The following IQCM variants were observed in gnomAD, a reference collection of about 807,000 sequenced individuals.
IQCM encodes the protein IQ domain-containing protein M.
In IQCM, 45 loss-of-function variants were observed where a neutral mutation model predicts 57.6. The ratio of observed to expected loss-of-function variants is 0.78; its 90% CI spans 0.62 to 1.00. The LOEUF (loss-of-function observed/expected upper bound fraction) is 1.00, where lower values mean the gene tolerates loss of function less well. Ranked by LOEUF, IQCM falls within the 50% of genes least tolerant of loss-of-function variation. The probability of loss-of-function intolerance (pLI) is 0.00; values close to 1 mark genes in which losing one functional copy is unlikely to be tolerated. For synonymous variants in IQCM, 148 were observed against 158.9 expected, an observed-to-expected ratio of 0.93 and a Z score of 0.51; for missense variants, 468 against 511.6, an observed-to-expected ratio of 0.91 and a Z score of 0.82.
intron 8 of IQCM, among the ~76,000 whole-genome samples, chr4:149,597,737 A>G (rs892973828): frequency 2.0e-5 from 3 of 152,192 alleles, no homozygotes; most frequent in African/African-American, 7.2e-5. Context: ...GAAATTATAG[A>G]AGACAGACAG....
chr4:149,712,334 T>C (rs903458525), intron 5 of IQCM, among the ~76,000 whole-genome samples: 1 of 150,906 alleles, frequency 6.6e-6, no homozygotes, highest in Non-Finnish European at 1.5e-5. Context: ...GATACTGTCA[T>C]ACTGTCAATG....
intron 12 of IQCM, among the ~76,000 whole-genome samples, chr4:149,493,749 C>A (rs1012109185): frequency 1.3e-5 from 2 of 151,740 alleles, no homozygotes; most frequent in African/African-American, 4.8e-5. Context: ...AACCATTCTG[C>A]AAACACACAG....
In IQCM at chr4:149,368,877, CGT is replaced by C. The variant is rs1274583376; in HGVS notation, c.1391-16813_1391-16812del. Among the ~76,000 whole-genome samples, 72 of 59,104 alleles carry C rather than the reference CGT, an allele frequency of 1.2e-3. 4 individuals carry two copies. The highest frequency in any genetic ancestry group is 2.5e-3 in the African/African-American group (33 of 13,450). 38.8% of individuals were successfully genotyped at this position (59,104 alleles called of 152,430 possible). A position where few individuals can be genotyped will look rare whatever the true frequency, so the allele number is the denominator to read the frequency against. The stretch of plus-strand genomic sequence containing the variant: ...ACATGTATATATATACATATATACA[CGT>C]GTATATATATGTATATATATACACG... On this transcript the variant is annotated intron_variant, in intron 13 of 13. Transcript: ENST00000636793.
At chr4:149,475,082 C>G (rs1038168724) in intron 12 of IQCM, among the ~76,000 whole-genome samples, 51 of 152,178 alleles carry the variant, frequency 3.4e-4, no homozygotes, top group Admixed American at 3.3e-3. Flanking sequence ...AAAGACCATT[C>G]TGGCTACTGT....
intron 12 of IQCM, among the ~76,000 whole-genome samples, chr4:149,478,656 C>T (rs919124764): frequency 6.6e-5 from 10 of 152,012 alleles, no homozygotes; most frequent in African/African-American, 1.2e-4. Flanking sequence ...GAAGACAAGA[C>T]GCAGGAAATA....
At chr4:149,611,766 T>G (rs1237732315) in intron 8 of IQCM, among the ~76,000 whole-genome samples, 1 of 152,018 alleles carries the variant, frequency 6.6e-6, no homozygotes, top group African/African-American at 2.4e-5. Context: ...AGATCTAGTG[T>G]TCAGTAGAAC....
intron 5 of IQCM, among the ~76,000 whole-genome samples, chr4:149,713,106 A>G (rs1369733422): frequency 6.6e-6 from 1 of 152,196 alleles, no homozygotes; most frequent in Non-Finnish European, 1.5e-5. Context: ...CATAGAGGCT[A>G]CTTGAAACAA....
intron 7 of IQCM, among the ~76,000 whole-genome samples, chr4:149,643,862 G>A (rs1304162828): frequency 6.6e-6 from 1 of 152,014 alleles, no homozygotes; most frequent in East Asian, 1.9e-4. Context: ...TTAATTCCTG[G>A]GTTTACAGAC....
intron 2 of IQCM, among the ~76,000 whole-genome samples, chr4:149,802,753 A>G (rs796255570): frequency 6.6e-6 from 1 of 152,140 alleles, no homozygotes; most frequent in African/African-American, 2.4e-5. Flanking sequence ...TCAAGGTTAT[A>G]TAGTAAAGAG....
chr4:149,482,917 G>A lies in IQCM; in HGVS notation c.1229-49360C>T, dbSNP rs529568829. Among the ~76,000 whole-genome samples the A allele has an allele frequency of 1.6e-4, 25 of 151,782 alleles. 1 individual carries two copies. The highest frequency in any genetic ancestry group is 3.4e-3 in the Middle Eastern group (1 of 294). The stretch of plus-strand genomic sequence containing the variant: ...AGTCCCAGGCTTTTCATTACTGGTA[G>A]ATGTTTTATTATGGCTTTATTCTAG... On this transcript the variant is annotated intron_variant, in intron 12 of 13. Transcript: ENST00000636793.
intron 13 of IQCM, among the ~76,000 whole-genome samples, chr4:149,352,935 A>G: frequency 6.6e-6 from 1 of 152,200 alleles, no homozygotes; most frequent in East Asian, 1.9e-4. Flanking sequence ...TATTAAACAA[A>G]AACATAACCA....
chr4:149,809,434 G>A (rs779684081), intron 2 of IQCM, among the ~76,000 whole-genome samples: 1 of 151,932 alleles, frequency 6.6e-6, no homozygotes, highest in African/African-American at 2.4e-5. Context: ...TTTTTTGTTT[G>A]TTTAGCTTTA....
intron 2 of IQCM, among the ~76,000 whole-genome samples, chr4:149,753,256 A>T (rs1034584614): frequency 6.6e-6 from 1 of 151,942 alleles, no homozygotes; most frequent in African/African-American, 2.4e-5. Context: ...CGAAAACAAT[A>T]AAAAAAATGA....
intron 12 of IQCM, among the ~76,000 whole-genome samples, chr4:149,512,198 A>C (rs1345422570): frequency 6.6e-6 from 1 of 152,218 alleles, no homozygotes; most frequent in Admixed American, 6.5e-5. Context: ...AATATAAATC[A>C]AGTACTCTTA....
rs145647608 is a variant in IQCM, at chr4:149,384,042, A to G, written c.1391-31976T>C. ...TGTGAATGTGAAAATCATGTAGGACAGATGATAAAAAGTATATCTTCTCAT... is the reference window on the plus strand; with the variant it reads ...TGTGAATGTGAAAATCATGTAGGACGGATGATAAAAAGTATATCTTCTCAT... On this transcript the variant is annotated intron_variant, in intron 13 of 13. Transcript: ENST00000636793. Among the ~76,000 whole-genome samples, 300 of 152,320 alleles carry G rather than the reference A, an allele frequency of 2.0e-3. 2 individuals are homozygous for G. Among genetic ancestry groups the G allele is most frequent in the Middle Eastern group, 0.014 (4 of 294 alleles).
intron 12 of IQCM, among the ~76,000 whole-genome samples, chr4:149,441,006 TA>T (rs1286765554): frequency 1.3e-5 from 2 of 152,196 alleles, no homozygotes; most frequent in African/African-American, 2.4e-5. Flanking sequence ...GGCCCTGATT[TA>T]TTTATATGCA....
intron 7 of IQCM, among the ~76,000 whole-genome samples, chr4:149,636,950 T>G (rs1757769557): frequency 6.6e-6 from 1 of 151,246 alleles, no homozygotes; most frequent in Admixed American, 6.6e-5. Flanking sequence ...GAGACCATCC[T>G]GGCTAACAAG....
chr4:149,751,007 T>C (rs80121646), intron 2 of IQCM, among the ~76,000 whole-genome samples: 2,010 of 152,306 alleles, frequency 0.013, 41 homozygotes, highest in African/African-American at 0.044. Context: ...TTGTAAAAAC[T>C]AGCTAATATT....
chr4:149,769,999 G>T (rs1378781056), intron 2 of IQCM, among the ~76,000 whole-genome samples: 1 of 151,118 alleles, frequency 6.6e-6, no homozygotes. Flanking sequence ...AAATAGCAGA[G>T]CAGAAATCAA....
Sources: gnomAD v4.1 joint callset for allele counts (sites outside exome capture counted in the v4.1 genomes callset) on GRCh38, gnomAD v4.1.1 for gene constraint, MANE v1.5 for transcripts, NCBI Gene and HGNC (gene_info 2026-07-23, HGNC 2026-07-21) for gene names.